The following DOCK9 variants were observed in gnomAD, a reference collection of about 807,000 sequenced individuals.
The protein encoded by DOCK9 is dedicator of cytokinesis protein 9.
A neutral mutation model predicts 263.3 loss-of-function variants in DOCK9; 89 were observed. The observed-to-expected ratio is 0.34, with a 90% confidence interval of 0.28 to 0.40. The LOEUF is 0.40. Among genes scored for constraint, DOCK9 ranks in the 10% least tolerant of loss-of-function variants. DOCK9 has a pLI of 1.00. For synonymous variants in DOCK9, 976 were observed against 973.1 expected (o/e 1.00, Z -0.06); for missense variants, 2,140 against 2,603.4 (o/e 0.82, Z 3.87).
rs185823341 is a variant in DOCK9 at position 98,793,626 on chromosome 13, A to G, written c.*1000T>C. 3.1e-3 allele frequency: 468 copies of G among 152,794 alleles called. 5 individuals carry two copies. Among genetic ancestry groups the G allele is most frequent in the African/African-American group, 0.01 (420 of 41,578 alleles). 9.5% of individuals were successfully genotyped at this position (152,794 alleles called of 1,614,324 possible). On this transcript the variant is annotated 3_prime_UTR_variant, in exon 53 of 53. Coordinates refer to ENST00000682017, the MANE Select transcript of DOCK9 (RefSeq NM_001366683.2). ...CTAAATTAAAGTCTTAAAAGAAAAT[A>G]TAACATGGTGACAGCTTTAAAGTAC...
chr13:98,805,035 C>A lies in DOCK9; in HGVS notation c.5689G>T (p.Val1897Leu). The change falls in exon 49 of 53, where the codon GTG becomes TTG. Residue 1897 changes from valine to leucine, a missense_variant. Physicochemically the swap from Val to Leu is conservative, Grantham distance 32 (BLOSUM62 1). This residue lies in a region of DOCK9 where 619 missense variants were observed against 861.8 expected (regional missense o/e 0.72). Coordinates refer to ENST00000682017, the MANE Select transcript of DOCK9 (RefSeq NM_001366683.2). ...GTGCGCCGTTTGCACTGCTCTTCCA[C>A]CCCGCCCTGCCTCTTCCCGGTCTGC... is the stretch of plus-strand genomic sequence containing the variant. ...FTQTGKRQGG[V>L]EEQCKRRTIL... The A allele has an allele frequency of 6.2e-7, 1 of 1,610,352 alleles. No individual in the cohort carries two copies. The highest frequency in any genetic ancestry group is 8.5e-7 in the Non-Finnish European group (1 of 1,178,320).
At chr13:99,042,558 G>A (rs1888565958) in intron 1 of DOCK9, among the ~76,000 whole-genome samples, 1 of 152,214 alleles carries the variant, frequency 6.6e-6, no homozygotes, top group Non-Finnish European at 1.5e-5. Context: ...TTTAGGACAT[G>A]GATTGGAGGT....
intron 1 of DOCK9, among the ~76,000 whole-genome samples, chr13:99,080,450 G>GA (rs900043690): frequency 3.9e-5 from 6 of 151,928 alleles, no homozygotes; most frequent in East Asian, 1.9e-4. Context: ...AAAGACAAAG[G>GA]AAAAAAAATC....
chr13:98,974,475 C>T (rs1365653260), intron 1 of DOCK9, among the ~76,000 whole-genome samples: 1 of 152,054 alleles, frequency 6.6e-6, no homozygotes, highest in Non-Finnish European at 1.5e-5. Flanking sequence ...TTTAGCCGGT[C>T]GCAGTGGCTC....
At chr13:98,990,856 G>A (rs902874327) in intron 1 of DOCK9, among the ~76,000 whole-genome samples, 1 of 152,168 alleles carries the variant, frequency 6.6e-6, no homozygotes, top group African/African-American at 2.4e-5. Context: ...CACTAAAGTA[G>A]TCAAAAGAAC....
chr13:99,015,836 A>C (rs183987604), intron 1 of DOCK9: 3 of 1,199,432 alleles, frequency 2.5e-6, no homozygotes, highest in East Asian at 6.5e-5. Flanking sequence ...GTGCAAACAC[A>C]AGATGACACA....
intron 9 of DOCK9, among the ~76,000 whole-genome samples, chr13:98,913,230 T>G (rs2139834209): frequency 6.6e-6 from 1 of 152,330 alleles, no homozygotes; most frequent in South Asian, 2.1e-4. Flanking sequence ...CATGTTTCTA[T>G]TATAGTGTTT....
intron 2 of DOCK9, among the ~76,000 whole-genome samples, chr13:98,944,722 G>A (rs1014704160): frequency 6.6e-6 from 1 of 152,212 alleles, no homozygotes; most frequent in Admixed American, 6.5e-5. Context: ...AGGAAGGCGG[G>A]AGAACCCTTT....
At chr13:99,010,635 T>G (rs1287537342) in intron 1 of DOCK9, among the ~76,000 whole-genome samples, 2 of 152,250 alleles carry the variant, frequency 1.3e-5, no homozygotes, top group South Asian at 2.1e-4. Flanking sequence ...ATCAGTCTTG[T>G]CCCTCAACTG....
intron 38 of DOCK9, among the ~76,000 whole-genome samples, chr13:98,843,506 G>A (rs1363468691): frequency 2.6e-5 from 4 of 152,202 alleles, no homozygotes; most frequent in Admixed American, 1.3e-4. Flanking sequence ...GAGAATTGGA[G>A]ATGTAAAAGA....
At chr13:99,063,139 C>T (rs2041265465) in intron 1 of DOCK9, among the ~76,000 whole-genome samples, 1 of 152,176 alleles carries the variant, frequency 6.6e-6, no homozygotes, top group South Asian at 2.1e-4. Flanking sequence ...ATTTAAGAAA[C>T]AAAAGAAAAG....
chr13:99,015,552 T>C (rs1885271692), intron 1 of DOCK9: 1 of 1,598,306 alleles, frequency 6.3e-7, no homozygotes, highest in African/African-American at 1.3e-5. Flanking sequence ...AAGCACAGTT[T>C]CTTTCAAAAA....
chr13:99,087,923 AGAG>A (rs1566416151), upstream of DOCK9: 38 of 152,374 alleles, frequency 2.5e-4, no homozygotes, highest in African/African-American at 9.2e-4. Flanking sequence ...CCAAATACCC[AGAG>A]GTTTCATAGC....
chr13:98,960,935 C>G (rs564555654), intron 1 of DOCK9, among the ~76,000 whole-genome samples: 51 of 152,290 alleles, frequency 3.3e-4, no homozygotes, highest in African/African-American at 1.1e-3. Context: ...ATCTTCTCCC[C>G]CTGAAAATTG....
At position 98,848,595 on chromosome 13, in the gene DOCK9, G is replaced by T. The variant is rs1368197931; in HGVS notation, c.4058C>A (p.Ala1353Asp). ...QFQYMGKRYI[A>D]RNQEGLGPIV... is the part of the protein sequence containing the mutation. The stretch of plus-strand genomic sequence containing the variant: ...GAATGAAAACGCCCCACAGTACCTG[G>T]CTATGTATCGCTTCCCCATGTACTG... The change falls in exon 37 of 53, where the codon GCC becomes GAC. Residue 1353 changes from alanine to aspartate, a missense_variant. This residue lies in a region of DOCK9 where 1,521 missense variants were observed against 1,741.7 expected (regional missense o/e 0.87). Coordinates refer to ENST00000682017, the MANE Select transcript of DOCK9 (RefSeq NM_001366683.2). 6.2e-7 allele frequency: 1 copy of T among 1,611,742 alleles called. No homozygotes were observed. Among genetic ancestry groups the T allele is most frequent in the Non-Finnish European group, 8.5e-7 (1 of 1,179,192 alleles).
intron 41 of DOCK9, among the ~76,000 whole-genome samples, chr13:98,830,574 G>A (rs754364950): frequency 2.0e-5 from 3 of 152,196 alleles, no homozygotes; most frequent in Non-Finnish European, 4.4e-5. Flanking sequence ...CCAGATGGGT[G>A]CTTCCCCGTA....
chr13:98,898,321 CAA>C, intron 13 of DOCK9, 60 bp from the exon 14 acceptor site: 2 of 1,321,202 alleles, frequency 1.5e-6, no homozygotes, highest in South Asian at 1.2e-5. Context: ...ACTGTGACCT[CAA>C]GAGCCATCCT....
At chr13:98,853,121 G>A (rs1468663716) in intron 35 of DOCK9, among the ~76,000 whole-genome samples, 1 of 152,066 alleles carries the variant, frequency 6.6e-6, no homozygotes, top group Non-Finnish European at 1.5e-5. Flanking sequence ...TAGTTAAGAT[G>A]GCAGGTCCCA....
rs3737023 is a variant in DOCK9, at chr13:98,888,152, A to G, written c.2043+6T>C. ...GTAGGTGAACATATATTAAAAAAAAACAAACCTTAAGGGGCTGAGAGTCTT... is the reference window on the plus strand; with the variant it reads ...GTAGGTGAACATATATTAAAAAAAAGCAAACCTTAAGGGGCTGAGAGTCTT... On this transcript the variant is annotated splice_donor_region_variant and intron_variant, in intron 18 of 52. Coordinates refer to ENST00000682017, the MANE Select transcript of DOCK9 (RefSeq NM_001366683.2). 2 of 1,579,780 alleles carry G rather than the reference A, an allele frequency of 1.3e-6. No individual in the cohort carries two copies. Among genetic ancestry groups the G allele is most frequent in the African/African-American group, 1.4e-5 (1 of 73,308 alleles).
Sources: gnomAD v4.1 joint callset for allele counts (sites outside exome capture counted in the v4.1 genomes callset) on GRCh38, gnomAD v4.1.1 for gene constraint, gnomAD v4.1.1 regional missense constraint, MANE v1.5 for transcripts, NCBI Gene and HGNC (gene_info 2026-07-23, HGNC 2026-07-21) for gene names.